IQCM: variants seen among roughly 807,000 people sequenced by gnomAD.
IQCM encodes the protein IQ motif containing M.
IQCM carries 45 observed loss-of-function variants against 57.6 expected under a neutral mutation model. The observed-to-expected ratio is 0.78, with a 90% CI of 0.62 to 1.00. The LOEUF is 1.00. Ranked by LOEUF, IQCM falls within the 50% of genes least tolerant of loss-of-function variation. The pLI is 0.00. For missense variants in IQCM, 468 were observed against 511.6 expected (o/e 0.91, Z 0.82); for synonymous variants, 148 against 158.9 (o/e 0.93, Z 0.51).
intron 2 of IQCM, among the ~76,000 whole-genome samples, chr4:149,811,222 GA>G (rs890599182): frequency 3.3e-5 from 5 of 151,998 alleles, no homozygotes; most frequent in African/African-American, 1.2e-4. Context: ...AAAAGCACAT[GA>G]AAAAAATTCA....
chr4:149,433,600 C>A, intron 12 of IQCM, 43 bp from the exon 13 acceptor site: 1 of 790,778 alleles, frequency 1.3e-6, no homozygotes, highest in Non-Finnish European at 1.7e-6. Context: ...AGACATTTTA[C>A]AGACTGTCAT....
chr4:149,804,017 G>C (rs1197084922), intron 2 of IQCM, among the ~76,000 whole-genome samples: 1 of 151,864 alleles, frequency 6.6e-6, no homozygotes, highest in Admixed American at 6.6e-5. Flanking sequence ...GATGGCTGGA[G>C]GGGGCTGGCA....
intron 12 of IQCM, among the ~76,000 whole-genome samples, chr4:149,435,371 G>C (rs762606654): frequency 8.6e-5 from 13 of 151,998 alleles, no homozygotes; most frequent in Non-Finnish European, 1.8e-4. Flanking sequence ...CCTGGCTGTG[G>C]TAACATTGTA....
At chr4:149,793,273 G>C (rs1772807536) in intron 2 of IQCM, among the ~76,000 whole-genome samples, 1 of 152,130 alleles carries the variant, frequency 6.6e-6, no homozygotes. Flanking sequence ...AGTGTTCAGG[G>C]TCAGAACCAC....
At chr4:149,618,883 A>G (rs946237719) in intron 8 of IQCM, among the ~76,000 whole-genome samples, 2 of 152,112 alleles carry the variant, frequency 1.3e-5, no homozygotes, top group Non-Finnish European at 2.9e-5. Context: ...GTTAGTGGAA[A>G]TATAAGTTAG....
intron 5 of IQCM, among the ~76,000 whole-genome samples, chr4:149,693,257 A>G (rs1401950006): frequency 1.3e-5 from 2 of 152,084 alleles, no homozygotes; most frequent in Non-Finnish European, 2.9e-5. Flanking sequence ...TTCCTTGGCT[A>G]CCTTCTAACC....
intron 2 of IQCM, among the ~76,000 whole-genome samples, chr4:149,793,276 A>T (rs1561281535): frequency 6.6e-6 from 1 of 152,196 alleles, no homozygotes; most frequent in Non-Finnish European, 1.5e-5. Flanking sequence ...GTTCAGGGTC[A>T]GAACCACCTC....
At chr4:149,398,753 C>T (rs1732409895) in intron 13 of IQCM, among the ~76,000 whole-genome samples, 1 of 152,014 alleles carries the variant, frequency 6.6e-6, no homozygotes, top group East Asian at 1.9e-4. Context: ...GTTGCCCAGG[C>T]TACAGTGCAG....
intron 13 of IQCM, among the ~76,000 whole-genome samples, chr4:149,358,446 T>C (rs1489302463): frequency 6.6e-6 from 1 of 152,224 alleles, no homozygotes; most frequent in African/African-American, 2.4e-5. Context: ...GTATGTTGTG[T>C]CTTTGTTCTT....
rs70965194 is a variant in IQCM, at chr4:149,619,107, G to GATATATATATATATATATAT, written c.681+2002_681+2021dup. Reference sequence around the variant, plus strand: ...ATGACTGGATTAAAAATGTGGGATGGATATATATATATATATATATATATA... The same window carrying GATATATATATATATATATAT: ...ATGACTGGATTAAAAATGTGGGATGGATATATATATATATATATATATATATATATATATATATATATATA... On this transcript the variant is annotated intron_variant, in intron 8 of 13. Coordinates refer to ENST00000636793, the MANE Select transcript of IQCM (RefSeq NM_001363507.2). 3.2e-3 allele frequency among the ~76,000 whole-genome samples: 411 copies of GATATATATATATATATATAT among 126,474 alleles called. 4 individuals carry two copies. The highest frequency in any genetic ancestry group is 9.1e-3 in the African/African-American group (293 of 32,176). The allele number at this position is 126,474 out of a possible 152,430, so 83.0% of individuals were successfully genotyped here.
rs561062478 is a variant in IQCM, at chr4:149,443,902, G to A, written c.1229-10345C>T. ...TATAGGGAGATGTTTGGAAGGAGAA[G>A]TAAAAGAAAGTTTAAATGTGATAAA... is the stretch of plus-strand genomic sequence containing the variant. On this transcript the variant is annotated intron_variant, in intron 12 of 13. Coordinates refer to ENST00000636793, the MANE Select transcript of IQCM (RefSeq NM_001363507.2). 7.9e-5 allele frequency among the ~76,000 whole-genome samples: 12 copies of A among 151,954 alleles called. No homozygotes were observed. The East Asian group carries it at 1.7e-3, about 22-fold the overall frequency.
chr4:149,594,804 T>C (rs191613266), intron 8 of IQCM, among the ~76,000 whole-genome samples: 7 of 152,132 alleles, frequency 4.6e-5, no homozygotes, highest in Non-Finnish European at 8.8e-5. Context: ...AGTTTGATTG[T>C]ACTGTGGTCT....
At chr4:149,488,292 C>T (rs1741737955) in intron 12 of IQCM, among the ~76,000 whole-genome samples, 2 of 151,958 alleles carry the variant, frequency 1.3e-5, no homozygotes, top group Non-Finnish European at 2.9e-5. Context: ...ACCAATGAAT[C>T]AGTACTGTGA....
At chr4:149,764,650 G>T (rs1337097136) in intron 2 of IQCM, among the ~76,000 whole-genome samples, 1 of 152,062 alleles carries the variant, frequency 6.6e-6, no homozygotes, top group Admixed American at 6.6e-5. Flanking sequence ...CCTTTTGTCA[G>T]TTGATTTTCA....
chr4:149,806,309 A>G (rs1263249051), intron 2 of IQCM, among the ~76,000 whole-genome samples: 1 of 151,868 alleles, frequency 6.6e-6, no homozygotes, highest in Non-Finnish European at 1.5e-5. Flanking sequence ...TCAAAGATTT[A>G]TCTTATTTTA....
At chr4:149,624,146 A>G (rs926189162) in intron 7 of IQCM, among the ~76,000 whole-genome samples, 208 of 137,246 alleles carry the variant, frequency 1.5e-3, no homozygotes, top group Non-Finnish European at 2.6e-3. Flanking sequence ...GATGTGCCCC[A>G]AGTGTGTGTG....
At chr4:149,809,563 G>C (rs1161662828) in intron 2 of IQCM, among the ~76,000 whole-genome samples, 2 of 152,062 alleles carry the variant, frequency 1.3e-5, no homozygotes, top group African/African-American at 4.8e-5. Context: ...AATAAAATAA[G>C]AAATCTTACC....
chr4:149,358,639 C>T (rs539399672), intron 13 of IQCM, among the ~76,000 whole-genome samples: 2 of 152,048 alleles, frequency 1.3e-5, no homozygotes, highest in Admixed American at 1.3e-4. Flanking sequence ...CAAGTCAAAT[C>T]CTGGATAATA....
At chr4:149,377,192 A>T (rs1730759162) in intron 13 of IQCM, among the ~76,000 whole-genome samples, 1 of 152,220 alleles carries the variant, frequency 6.6e-6, no homozygotes, top group Admixed American at 6.5e-5. Context: ...CCGATTTGAT[A>T]GGATTGAATC....
Sources: gnomAD v4.1 joint callset for allele counts (sites outside exome capture counted in the v4.1 genomes callset) on GRCh38, gnomAD v4.1.1 for gene constraint, MANE v1.5 for transcripts, NCBI Gene and HGNC (gene_info 2026-07-23, HGNC 2026-07-21) for gene names.